Variants in NTM observed in about 807,000 individuals in gnomAD.
The protein encoded by NTM is IgLON family member 2.
A neutral mutation model predicts 42.1 loss-of-function variants in NTM; 13 were observed. The observed-to-expected ratio is 0.31, with a 90% CI of 0.20 to 0.49. NTM has a LOEUF of 0.49. Among genes scored for constraint, NTM ranks in the 20% least tolerant of loss-of-function variants. The probability of loss-of-function intolerance (pLI) is 0.99; values close to 1 mark genes in which losing one functional copy is unlikely to be tolerated. For synonymous variants in NTM, 187 were observed against 179.2 expected, an observed-to-expected ratio of 1.04 and a Z score of -0.35; for missense variants, 373 against 452.8, an observed-to-expected ratio of 0.82 and a Z score of 1.60.
intron 1 of NTM, among the ~76,000 whole-genome samples, chr11:131,852,700 A>G (rs957531638): frequency 6.6e-6 from 1 of 152,150 alleles, no homozygotes; most frequent in Non-Finnish European, 1.5e-5. Flanking sequence ...TATACCTAGG[A>G]AGGATATATA....
At chr11:131,737,061 G>A (rs552875928) in intron 1 of NTM, among the ~76,000 whole-genome samples, 11 of 152,262 alleles carry the variant, frequency 7.2e-5, no homozygotes, top group East Asian at 3.9e-4. Flanking sequence ...TATTTAGCAC[G>A]CTGCTACTTC....
At chr11:131,731,695 A>G (rs1236078950) in intron 1 of NTM, among the ~76,000 whole-genome samples, 1 of 152,218 alleles carries the variant, frequency 6.6e-6, no homozygotes, top group Non-Finnish European at 1.5e-5. Flanking sequence ...CATTGGCTGC[A>G]AAGCTTCCTC....
At chr11:131,426,611 G>T (rs376167111) in intron 1 of NTM, among the ~76,000 whole-genome samples, 1 of 152,062 alleles carries the variant, frequency 6.6e-6, no homozygotes, top group Non-Finnish European at 1.5e-5. Flanking sequence ...GCATTTCGGC[G>T]GCTCTTAATC....
chr11:131,509,032 T>A (rs998626072), intron 1 of NTM, among the ~76,000 whole-genome samples: 1 of 150,878 alleles, frequency 6.6e-6, no homozygotes, highest in African/African-American at 2.5e-5. Flanking sequence ...ACTTAAAGTA[T>A]AATAATAAAA....
intron 2 of NTM, among the ~76,000 whole-genome samples, chr11:131,978,761 C>CA (rs2134855015): frequency 6.6e-6 from 1 of 152,276 alleles, no homozygotes; most frequent in South Asian, 2.1e-4. Context: ...TTGCACAACC[C>CA]AGAGTTTGGA....
intron 1 of NTM, among the ~76,000 whole-genome samples, chr11:131,886,766 C>T (rs1198597067): frequency 2.6e-5 from 4 of 152,176 alleles, no homozygotes; most frequent in Non-Finnish European, 4.4e-5. Context: ...GCTTTGCTAA[C>T]GATGTTTCTG....
chr11:131,464,767 G>C (rs1033030053), intron 1 of NTM, among the ~76,000 whole-genome samples: 11 of 152,324 alleles, frequency 7.2e-5, no homozygotes, highest in Non-Finnish European at 5.9e-5. Context: ...CCATCTGTCA[G>C]TGTCCAAGCG....
intron 1 of NTM, among the ~76,000 whole-genome samples, chr11:131,714,327 T>TA (rs2077468318): frequency 6.6e-6 from 1 of 152,118 alleles, no homozygotes; most frequent in Admixed American, 6.5e-5. Context: ...TAGCTGGGAC[T>TA]TCAGGCATGC....
At chr11:132,138,563 AATCTATCTATCTATCT>A (rs6144568) in intron 2 of NTM, among the ~76,000 whole-genome samples, 2,237 of 127,158 alleles carry the variant, frequency 0.018, 22 homozygotes, top group Non-Finnish European at 0.02. Flanking sequence ...TTTTCAACAG[AATCTATCTATCTATCT>A]ATCTATCTAT....
chr11:131,411,564 T>C (rs898908331), intron 1 of NTM, among the ~76,000 whole-genome samples: 7 of 151,178 alleles, frequency 4.6e-5, no homozygotes, highest in African/African-American at 1.7e-4. Context: ...TGTGTGTGTG[T>C]GTGTGTGTGT....
intron 2 of NTM, among the ~76,000 whole-genome samples, chr11:131,973,746 G>A (rs907290943): frequency 1.3e-5 from 2 of 152,196 alleles, no homozygotes; most frequent in African/African-American, 4.8e-5. Flanking sequence ...GAACCCGGGA[G>A]GCAGAGGTTG....
rs554598867 is a variant in NTM, at chr11:132,335,184, C to CACG, written c.*40_*41insGAC. 21 of 1,597,696 alleles carry CACG rather than the reference C, an allele frequency of 1.3e-5. No individual in the cohort carries two copies. The East Asian group carries it at 4.7e-4, about 36-fold the overall frequency. On this transcript the variant is annotated 3_prime_UTR_variant, in exon 9 of 9. Coordinates refer to ENST00000683400, the MANE Select transcript of NTM (RefSeq NM_001352005.2). ...TTCCCCACCCGGGAAAGGCTGCCGC[C>CACG]ACCACCACCACCAACACAACAGCAA...
intron 2 of NTM, among the ~76,000 whole-genome samples, chr11:132,074,312 G>A (rs1057104544): frequency 2.0e-5 from 3 of 152,140 alleles, no homozygotes; most frequent in African/African-American, 7.2e-5. Context: ...CCATTCTTGT[G>A]GGGACTCAGC....
At position 131,895,243 on chromosome 11, in the gene NTM, A is replaced by G. The variant is rs543871556; in HGVS notation, c.83-16321A>G. ...TTTTATTTTCTGGCAGCAGAAATGTAGGTCAGCCTCTCTAGATCTTTTCCA... is the reference window on the plus strand; with the variant it reads ...TTTTATTTTCTGGCAGCAGAAATGTGGGTCAGCCTCTCTAGATCTTTTCCA... On this transcript the variant is annotated intron_variant, in intron 1 of 8. Transcript: ENST00000683400. 1.9e-3 allele frequency among the ~76,000 whole-genome samples: 283 copies of G among 152,262 alleles called. 2 individuals carry two copies. Among genetic ancestry groups the G allele is most frequent in the African/African-American group, 6.5e-3 (272 of 41,548 alleles).
intron 2 of NTM, among the ~76,000 whole-genome samples, chr11:132,061,992 A>G (rs2080756188): frequency 6.6e-6 from 1 of 152,110 alleles, no homozygotes; most frequent in Non-Finnish European, 1.5e-5. Context: ...GGTAGATTCA[A>G]CATCTTCCAC....
chr11:132,080,398 C>G (rs916046771), intron 2 of NTM, among the ~76,000 whole-genome samples: 2 of 152,170 alleles, frequency 1.3e-5, no homozygotes, highest in African/African-American at 4.8e-5. Flanking sequence ...AAACTCCATG[C>G]CAAAAAGATC....
intron 1 of NTM, among the ~76,000 whole-genome samples, chr11:131,685,902 T>C (rs544408963): frequency 6.6e-6 from 1 of 152,344 alleles, no homozygotes; most frequent in African/African-American, 2.4e-5. Flanking sequence ...AGAGGGTTTT[T>C]CCAGCTCTGA....
chr11:131,671,487 T>C (rs932867629), intron 1 of NTM: 1 of 985,302 alleles, frequency 1.0e-6, no homozygotes, highest in Non-Finnish European at 1.2e-6. Context: ...GAATCAGTGT[T>C]AGCCCTGGGC....
At chr11:131,992,882 C>A (rs1430596379) in intron 2 of NTM, among the ~76,000 whole-genome samples, 1 of 152,034 alleles carries the variant, frequency 6.6e-6, no homozygotes, top group African/African-American at 2.4e-5. Flanking sequence ...GAGAAAGACA[C>A]TGGAAATTTT....
Sources: allele counts gnomAD v4.1 joint callset (sites outside exome capture counted in the v4.1 genomes callset), GRCh38; gene constraint gnomAD v4.1.1; transcripts MANE v1.5; gene names NCBI Gene and HGNC (gene_info 2026-07-23, HGNC 2026-07-21).